DOCK2: variants seen among roughly 807,000 people sequenced by gnomAD.
DOCK2 encodes the protein dedicator of cytokinesis protein 2.
DOCK2 carries 87 observed loss-of-function variants against 248.9 expected under a neutral mutation model. The observed-to-expected ratio is 0.35, with a 90% confidence interval of 0.29 to 0.42. The LOEUF (loss-of-function observed/expected upper bound fraction) is 0.42, where lower values mean the gene tolerates loss of function less well. Ranked by LOEUF, DOCK2 falls within the 10% of genes least tolerant of loss-of-function variation. DOCK2 has a pLI of 1.00. For synonymous variants in DOCK2, 805 were observed against 821.6 expected (o/e 0.98, Z 0.35); for missense variants, 1,747 against 2,300.2 (o/e 0.76, Z 4.92).
chr5:170,008,705 G>A lies in DOCK2; in HGVS notation c.3191G>A (p.Arg1064Gln), dbSNP rs185160653. ...CCTCCTAGGTATGGGGACATGAGACGGCTAATTGGCTTCTCCATCCGTGAT... is the reference window on the plus strand; with the variant it reads ...CCTCCTAGGTATGGGGACATGAGACAGCTAATTGGCTTCTCCATCCGTGAT... ...KILNKYGDMR[R>Q]LIGFSIRDMW... The change falls in exon 32 of 52, where the codon CGG becomes CAG. Residue 1064 changes from arginine (R) to glutamine (Q), a missense_variant. Physicochemically the swap from Arg to Gln is conservative, Grantham distance 43 (BLOSUM62 1). Transcript: ENST00000520908. The A allele has an allele frequency of 1.7e-5, 27 of 1,614,076 alleles. No individual in the cohort carries two copies. The East Asian group carries it at 3.8e-4, about 23-fold the overall frequency.
chr5:169,754,292 C>T (rs995465564), intron 23 of DOCK2, among the ~76,000 whole-genome samples: 2 of 152,190 alleles, frequency 1.3e-5, no homozygotes, highest in African/African-American at 4.8e-5. Context: ...GCAATGATCT[C>T]AAGTGTCCTC....
chr5:169,925,502 C>G (rs779354268), intron 27 of DOCK2, among the ~76,000 whole-genome samples: 1 of 149,052 alleles, frequency 6.7e-6, no homozygotes, highest in Non-Finnish European at 1.5e-5. Flanking sequence ...ATCGCTTGAA[C>G]CCAGGAGGTG....
At chr5:170,035,168 C>T (rs1268713699) in intron 35 of DOCK2, among the ~76,000 whole-genome samples, 1 of 152,226 alleles carries the variant, frequency 6.6e-6, no homozygotes, top group Non-Finnish European at 1.5e-5. Context: ...GGCTGCCAAG[C>T]AGCCTCTCTC....
intron 25 of DOCK2, among the ~76,000 whole-genome samples, chr5:169,774,896 G>T (rs199503449): frequency 1.4e-4 from 20 of 146,712 alleles, no homozygotes; most frequent in Admixed American, 2.0e-4. Context: ...ACTGTTTTTT[G>T]TTGTTGTTGT....
intron 25 of DOCK2, among the ~76,000 whole-genome samples, chr5:169,796,755 G>A (rs1766680222): frequency 1.3e-5 from 2 of 152,208 alleles, no homozygotes; most frequent in South Asian, 2.1e-4. Context: ...AGCTAGAAGG[G>A]AAGGAGTCAG....
chr5:169,863,170 G>T (rs1581309426), intron 27 of DOCK2, among the ~76,000 whole-genome samples: 1 of 152,112 alleles, frequency 6.6e-6, no homozygotes, highest in Non-Finnish European at 1.5e-5. Context: ...TCAGACTTTG[G>T]GATGGAAAGA....
chr5:170,053,297 G>A (rs1756986382), intron 41 of DOCK2, among the ~76,000 whole-genome samples: 1 of 152,196 alleles, frequency 6.6e-6, no homozygotes, highest in Non-Finnish European at 1.5e-5. Flanking sequence ...TTTCTGGAAG[G>A]GATCAGATGG....
At position 169,804,437 on chromosome 5, in the gene DOCK2, AGTGTGTGTGTGTGTGTGTGT is replaced by A. The variant is rs55660700; in HGVS notation, c.2703+1261_2703+1280del. Among the ~76,000 whole-genome samples the A allele has an allele frequency of 1.2e-3, 157 of 134,636 alleles. 1 individual carries two copies. The highest frequency in any genetic ancestry group is 3.7e-3 in the Middle Eastern group (1 of 268). The allele number at this position is 134,636 out of a possible 152,430, so 88.3% of individuals were successfully genotyped here. On this transcript the variant is annotated intron_variant, in intron 26 of 51. Transcript: ENST00000520908. ...CATATTTGGGGTACAAGAGCTACAA[AGTGTGTGTGTGTGTGTGTGT>A]GTGTGTGTGTGTGTGTGTGTGTGTG...
chr5:170,079,883 T>C (rs555295325), intron 49 of DOCK2: 2 of 356,720 alleles, frequency 5.6e-6, no homozygotes, highest in Admixed American at 4.2e-5. Context: ...TGGATAAGAA[T>C]GGAAATGTCT....
intron 27 of DOCK2, among the ~76,000 whole-genome samples, chr5:169,904,911 G>A (rs988027699): frequency 5.3e-5 from 8 of 152,094 alleles, no homozygotes; most frequent in Non-Finnish European, 1.0e-4. Flanking sequence ...GGAAGAAACC[G>A]GCTCTGGAAC....
At chr5:169,890,667 G>C (rs189593269) in intron 27 of DOCK2, among the ~76,000 whole-genome samples, 2 of 152,312 alleles carry the variant, frequency 1.3e-5, no homozygotes, top group East Asian at 1.9e-4. Flanking sequence ...GGGTTGACTT[G>C]AGGAAAAAAT....
chr5:170,079,149 G>A lies in DOCK2; in HGVS notation c.5166+3G>A. The A allele has an allele frequency of 6.2e-7, 1 of 1,612,816 alleles. No individual in the cohort carries two copies. The highest frequency in any genetic ancestry group is 8.5e-7 in the Non-Finnish European group (1 of 1,179,818). On this transcript the variant is annotated splice_donor_region_variant and intron_variant, in intron 49 of 51. Coordinates refer to ENST00000520908, the MANE Select transcript of DOCK2 (RefSeq NM_004946.3). ...CTGCAGAGTCGGACCTGAAGCGGGT[G>A]AGTGGCTGAGGCAGATTGCCTCTCC...
chr5:169,850,713 G>A (rs966591534), intron 27 of DOCK2, among the ~76,000 whole-genome samples: 1 of 152,128 alleles, frequency 6.6e-6, no homozygotes, highest in Non-Finnish European at 1.5e-5. Context: ...ACACATATCA[G>A]GGCATACTAG....
intron 22 of DOCK2, among the ~76,000 whole-genome samples, chr5:169,720,509 G>C (rs954714451): frequency 6.7e-6 from 1 of 149,346 alleles, no homozygotes; most frequent in African/African-American, 2.5e-5. Flanking sequence ...TTCAAGGATT[G>C]AGCTTCTTTA....
Position 169,759,791 on chromosome 5 carries a change from G to C in DOCK2, c.2447+16G>C, listed in dbSNP as rs754103357. On this transcript the variant is annotated intron_variant, in intron 24 of 51. Coordinates refer to ENST00000520908, the MANE Select transcript of DOCK2 (RefSeq NM_004946.3). ...AGTTACTCAGGTGAGAGCTCATGTT[G>C]TACTTTCTTGGGCTCTGCTGGCAAG... The C allele has an allele frequency of 1.2e-6, 2 of 1,613,728 alleles. No homozygotes were observed. The highest frequency in any genetic ancestry group is 3.3e-4 in the Middle Eastern group (2 of 6,060).
intron 44 of DOCK2, 138 bp downstream of exon 44, chr5:170,057,804 C>T (rs1009245228): frequency 2.8e-6 from 2 of 724,836 alleles, no homozygotes; most frequent in Admixed American, 3.4e-5. Context: ...AATTCCCATG[C>T]AGGCAGCATT....
intron 27 of DOCK2, among the ~76,000 whole-genome samples, chr5:169,943,672 TCTC>T (rs1377212245): frequency 6.6e-6 from 1 of 152,156 alleles, no homozygotes; most frequent in Non-Finnish European, 1.5e-5. Flanking sequence ...GGGCAGTGGT[TCTC>T]AAGGTGTGGT....
intron 27 of DOCK2, among the ~76,000 whole-genome samples, chr5:169,977,161 C>G (rs1051595279): frequency 6.6e-6 from 1 of 152,182 alleles, no homozygotes; most frequent in Non-Finnish European, 1.5e-5. Context: ...AGCAACTGTT[C>G]CTGAATAAAA....
chr5:169,930,796 C>T (rs546293676), intron 27 of DOCK2, among the ~76,000 whole-genome samples: 1 of 152,286 alleles, frequency 6.6e-6, no homozygotes, highest in Admixed American at 6.5e-5. Flanking sequence ...GTTGAGAAAC[C>T]ATCTCTCTTG....
Sources: gnomAD v4.1 joint callset for allele counts (sites outside exome capture counted in the v4.1 genomes callset) on GRCh38, gnomAD v4.1.1 for gene constraint, MANE v1.5 for transcripts, NCBI Gene and HGNC (gene_info 2026-07-23, HGNC 2026-07-21) for gene names.